Variants in COL23A1 observed in about 807,000 individuals in gnomAD.
The protein encoded by COL23A1 is collagen alpha-1(XXIII) chain.
COL23A1 carries 97 observed loss-of-function variants against 99.3 expected under a neutral mutation model. That is an observed-to-expected ratio of 0.98 (90% CI 0.83 to 1.16). The LOEUF is 1.16. COL23A1 is among the 50% of genes most tolerant of loss of function. COL23A1 has a pLI of 0.00. For missense variants in COL23A1, 762 were observed against 757.4 expected (o/e 1.01, Z -0.07); for synonymous variants, 320 against 308.2 (o/e 1.04, Z -0.40).
rs116719732 is a variant in COL23A1, at chr5:178,527,393, T to C, written c.361+33289A>G. ...AGCCTTGGCCTTTTCCATCTGTCTG[T>C]CCTGAGATCAGCGGTTGACCCCCTC... On this transcript the variant is annotated intron_variant, in intron 2 of 28. Transcript: ENST00000390654. Among the ~76,000 whole-genome samples the C allele has an allele frequency of 1.7e-3, 263 of 152,048 alleles. 1 individual carries two copies. The highest frequency in any genetic ancestry group is 5.9e-3 in the African/African-American group (246 of 41,476).
intron 2 of COL23A1, among the ~76,000 whole-genome samples, chr5:178,319,132 A>G (rs112742365): frequency 0.019 from 2,924 of 152,224 alleles, 39 homozygotes; most frequent in Middle Eastern, 0.041. Context: ...GGCTCTTGCT[A>G]CATGGGCTGG....
intron 2 of COL23A1, among the ~76,000 whole-genome samples, chr5:178,406,986 T>G (rs545667991): frequency 8.5e-5 from 13 of 152,200 alleles, no homozygotes; most frequent in South Asian, 8.3e-4. Flanking sequence ...CCCTGAAAGA[T>G]GGAGAGAAAC....
intron 2 of COL23A1, among the ~76,000 whole-genome samples, chr5:178,547,511 C>CCA (rs1761665669): frequency 8.9e-6 from 1 of 112,948 alleles, no homozygotes; most frequent in Non-Finnish European, 1.9e-5. Context: ...ATACACACCC[C>CCA]CACACCCACA....
intron 4 of COL23A1, among the ~76,000 whole-genome samples, chr5:178,289,773 A>G (rs2913829): frequency 0.9 from 136,652 of 152,262 alleles, 61,411 homozygotes; most frequent in Non-Finnish European, 0.93. Flanking sequence ...GTGAGGAACA[A>G]CCAGGCTTGT....
At chr5:178,320,433 T>G (rs1759229784) in intron 2 of COL23A1, among the ~76,000 whole-genome samples, 1 of 152,212 alleles carries the variant, frequency 6.6e-6, no homozygotes, top group East Asian at 1.9e-4. Context: ...GACACAGCCC[T>G]GCGTCCCCTC....
At chr5:178,545,077 C>T (rs1169623440) in intron 2 of COL23A1, among the ~76,000 whole-genome samples, 1 of 151,650 alleles carries the variant, frequency 6.6e-6, no homozygotes, top group African/African-American at 2.4e-5. Context: ...GAGTGAGATC[C>T]TGACTCTAAG....
chr5:178,474,821 G>A (rs747391397), intron 2 of COL23A1, among the ~76,000 whole-genome samples: 13 of 152,150 alleles, frequency 8.5e-5, no homozygotes, highest in African/African-American at 2.4e-4. Flanking sequence ...GGCGGGGAGC[G>A]GATAGTAATA....
In COL23A1 at chr5:178,255,993, A is replaced by C; in HGVS notation, c.882+360T>G. Reference sequence around the variant, plus strand: ...GACAAACCTCCCTGTGGGGTGGGGAAAAGGCAAGGCCTGGCCCACTGTGGC... The same window carrying C: ...GACAAACCTCCCTGTGGGGTGGGGACAAGGCAAGGCCTGGCCCACTGTGGC... On this transcript the variant is annotated intron_variant, in intron 15 of 28. Transcript: ENST00000390654. The surrounding 1 kb of genome is among the most constrained non-coding windows in gnomAD (Gnocchi z 4.2). 1 of 235,540 alleles carries C rather than the reference A, an allele frequency of 4.2e-6. No homozygotes were observed. Among genetic ancestry groups the C allele is most frequent in the African/African-American group, 2.3e-5 (1 of 43,728 alleles). 14.6% of individuals were successfully genotyped at this position (235,540 alleles called of 1,614,324 possible).
At position 178,530,768 on chromosome 5, in the gene COL23A1, G is replaced by A. The variant is rs12108895; in HGVS notation, c.361+29914C>T. ...GTGAGCGAGCCTTCAGAGGATCCCA[G>A]CCCCAACCTCGTTCTAGCCTCCCTC... On this transcript the variant is annotated intron_variant, in intron 2 of 28. Transcript: ENST00000390654. 8.9e-3 allele frequency among the ~76,000 whole-genome samples: 1,350 copies of A among 152,324 alleles called. 17 individuals are homozygous for A. Among genetic ancestry groups the A allele is most frequent in the African/African-American group, 0.031 (1,283 of 41,578 alleles).
In COL23A1 at chr5:178,470,878, G is replaced by A. The variant is rs141162090; in HGVS notation, c.361+89804C>T. On this transcript the variant is annotated intron_variant, in intron 2 of 28. Coordinates refer to ENST00000390654, the MANE Select transcript of COL23A1 (RefSeq NM_173465.4). ...GAGAAGCCTGTGTGAAGGCTGCTGC[G>A]GTCACCTGGGAACCCTCAGGAGCCC... is the stretch of plus-strand genomic sequence containing the variant. 7.9e-4 allele frequency among the ~76,000 whole-genome samples: 121 copies of A among 152,330 alleles called. 3 individuals carry two copies. In the East Asian group the frequency reaches 0.022, roughly 27 times the overall value.
chr5:178,482,383 C>T (rs4976784), intron 2 of COL23A1, among the ~76,000 whole-genome samples: 54,595 of 151,782 alleles, frequency 0.36, 11,749 homozygotes, highest in Admixed American at 0.49. Context: ...TTTTATGATT[C>T]CTTTTATATG....
chr5:178,341,597 G>T (rs1760663931), intron 2 of COL23A1, among the ~76,000 whole-genome samples: 2 of 152,222 alleles, frequency 1.3e-5, no homozygotes, highest in Admixed American at 1.3e-4. Flanking sequence ...CTTTGCTCTG[G>T]GCCCTGGGTG....
Position 178,588,167 on chromosome 5 carries a change from T to C in COL23A1, c.294+1737A>G, listed in dbSNP as rs553840636. ...AACACACACCCTGTCCAATAACTCA[T>C]TGTTCAAGCACTGTAGTTCACCCAG... is the stretch of plus-strand genomic sequence containing the variant. On this transcript the variant is annotated intron_variant, in intron 1 of 28. Transcript: ENST00000390654. Among the ~76,000 whole-genome samples, 47 of 152,254 alleles carry C rather than the reference T, an allele frequency of 3.1e-4. 2 individuals carry two copies. The South Asian group carries it at 9.6e-3, about 31-fold the overall frequency.
chr5:178,331,017 G>A lies in COL23A1; in HGVS notation c.362-24098C>T, dbSNP rs6879500. Among the ~76,000 whole-genome samples the A allele has an allele frequency of 5.8e-3, 880 of 152,318 alleles. 9 individuals carry two copies. Among genetic ancestry groups the A allele is most frequent in the African/African-American group, 0.02 (838 of 41,568 alleles). Reference sequence around the variant, plus strand: ...CTGCTAGAATGCAGACTTCTCAGCCGGATAAACCTCGTCTCTCTTATTTCC... The same window carrying A: ...CTGCTAGAATGCAGACTTCTCAGCCAGATAAACCTCGTCTCTCTTATTTCC... On this transcript the variant is annotated intron_variant, in intron 2 of 28. Coordinates refer to ENST00000390654, the MANE Select transcript of COL23A1 (RefSeq NM_173465.4).
intron 5 of COL23A1, among the ~76,000 whole-genome samples, chr5:178,282,480 C>T (rs1756950616): frequency 6.6e-6 from 1 of 152,212 alleles, no homozygotes; most frequent in South Asian, 2.1e-4. Context: ...TGCCAATAAG[C>T]AGCCCATCCT....
In COL23A1 at chr5:178,589,919, C is replaced by T; in HGVS notation, c.279G>A (p.Glu93=). 7.6e-7 allele frequency: 1 copy of T among 1,321,058 alleles called. No homozygotes were observed. The highest frequency in any genetic ancestry group is 9.6e-7 in the Non-Finnish European group (1 of 1,041,736). 81.8% of individuals were successfully genotyped at this position (1,321,058 alleles called of 1,614,324 possible). Residue 93 remains glutamate (E), a synonymous_variant, in exon 1 of 29, where the codon GAG becomes GAA. Coordinates refer to ENST00000390654, the MANE Select transcript of COL23A1 (RefSeq NM_173465.4). The surrounding 1 kb of genome is among the most constrained non-coding windows in gnomAD (Gnocchi z 5.4). ...ALDAWAEPHL[E]RLLREKLDGL... Reference sequence around the variant, plus strand: ...AGACGCTCACCTCCCGCAGCAGGCGCTCCAGGTGCGGCTCGGCCCAGGCGT... The same window carrying T: ...AGACGCTCACCTCCCGCAGCAGGCGTTCCAGGTGCGGCTCGGCCCAGGCGT...
intron 1 of COL23A1, among the ~76,000 whole-genome samples, chr5:178,578,405 AAGGAGGCTGC>A (rs1013170961): frequency 1.3e-5 from 2 of 152,172 alleles, no homozygotes; most frequent in Non-Finnish European, 2.9e-5. Flanking sequence ...CCTGGTCTGA[AAGGAGGCTGC>A]AGGAGGTAAT....
intron 1 of COL23A1, among the ~76,000 whole-genome samples, chr5:178,577,723 T>C (rs2113699320): frequency 6.6e-6 from 1 of 152,342 alleles, no homozygotes; most frequent in South Asian, 2.1e-4. Flanking sequence ...GGGCCATTGC[T>C]CAGTCCTCAC....
chr5:178,394,522 A>G (rs1357971838), intron 2 of COL23A1, among the ~76,000 whole-genome samples: 1 of 152,254 alleles, frequency 6.6e-6, no homozygotes, highest in Admixed American at 6.5e-5. Flanking sequence ...ACTCATTTCA[A>G]AAGCCACGAT....
Sources: allele counts gnomAD v4.1 joint callset (sites outside exome capture counted in the v4.1 genomes callset), GRCh38; gene constraint gnomAD v4.1.1; non-coding constraint Gnocchi (gnomAD v3.1); transcripts MANE v1.5; gene names NCBI Gene and HGNC (gene_info 2026-07-23, HGNC 2026-07-21).